SNTG1: variants seen among roughly 807,000 people sequenced by gnomAD.
SNTG1 encodes the protein gamma-1-syntrophin.
Under a neutral mutation model 74.7 loss-of-function variants are expected in SNTG1, and 39 were observed. That is an observed-to-expected ratio of 0.52 (90% CI 0.40 to 0.68). The LOEUF (loss-of-function observed/expected upper bound fraction) is 0.68, where lower values mean the gene tolerates loss of function less well. Ranked by LOEUF, SNTG1 falls within the 30% of genes least tolerant of loss-of-function variation. The pLI, the probability that SNTG1 is intolerant of heterozygous loss-of-function variation, is 0.00. For synonymous variants in SNTG1, 254 were observed against 217.1 expected, an observed-to-expected ratio of 1.17 and a Z score of -1.49; for missense variants, 685 against 609.5, an observed-to-expected ratio of 1.12 and a Z score of -1.30.
intron 17 of SNTG1, among the ~76,000 whole-genome samples, chr8:50,714,562 C>T (rs1249235358): frequency 6.6e-6 from 1 of 152,060 alleles, no homozygotes; most frequent in African/African-American, 2.4e-5. Flanking sequence ...ATCTGTCCTC[C>T]ACTGGGCATT....
intron 2 of SNTG1, among the ~76,000 whole-genome samples, chr8:50,260,520 C>CAA (rs142822896): frequency 3.6e-5 from 5 of 140,568 alleles, no homozygotes; most frequent in Admixed American, 1.4e-4. Flanking sequence ...AACACACACA[C>CAA]ACACACAGAC....
chr8:50,774,623 T>C (rs1183169378), intron 18 of SNTG1, among the ~76,000 whole-genome samples: 1 of 151,792 alleles, frequency 6.6e-6, no homozygotes, highest in African/African-American at 2.4e-5. Context: ...GAATACACAC[T>C]TAGAAATAAT....
chr8:50,235,101 T>A (rs1586793354), intron 2 of SNTG1, among the ~76,000 whole-genome samples: 2 of 152,114 alleles, frequency 1.3e-5, no homozygotes, highest in Admixed American at 6.5e-5. Context: ...TGGACATATA[T>A]CAAAAGGAGT....
chr8:49,929,205 T>C (rs1807325040), intron 1 of SNTG1, among the ~76,000 whole-genome samples: 1 of 152,210 alleles, frequency 6.6e-6, no homozygotes, highest in Non-Finnish European at 1.5e-5. Context: ...AAATTTTATT[T>C]TCAACTTATA....
At chr8:50,779,541 G>T (rs1013332408) in intron 18 of SNTG1, among the ~76,000 whole-genome samples, 1 of 152,096 alleles carries the variant, frequency 6.6e-6, no homozygotes, top group African/African-American at 2.4e-5. Context: ...TGTGATTTTT[G>T]TACATTGATT....
intron 2 of SNTG1, among the ~76,000 whole-genome samples, chr8:50,278,691 T>C (rs2088256565): frequency 2.6e-5 from 3 of 116,412 alleles, no homozygotes; most frequent in South Asian, 5.7e-4. Flanking sequence ...TATGAAAAAA[T>C]GCTAAAAAAA....
chr8:49,928,602 T>C (rs1264308342), intron 1 of SNTG1, among the ~76,000 whole-genome samples: 1 of 152,108 alleles, frequency 6.6e-6, no homozygotes, highest in East Asian at 1.9e-4. Flanking sequence ...GGCTAGGTTG[T>C]GGGTGTGGCA....
At chr8:50,159,280 C>T (rs965378158) in intron 1 of SNTG1, among the ~76,000 whole-genome samples, 2 of 151,864 alleles carry the variant, frequency 1.3e-5, no homozygotes, top group Non-Finnish European at 2.9e-5. Context: ...TGCTATAAAC[C>T]AGTCTTATTT....
chr8:50,379,719 G>C (rs756990568), intron 2 of SNTG1, among the ~76,000 whole-genome samples: 4 of 152,256 alleles, frequency 2.6e-5, no homozygotes, highest in Non-Finnish European at 4.4e-5. Flanking sequence ...AAGGACTACA[G>C]AAACTCTCTT....
intron 2 of SNTG1, among the ~76,000 whole-genome samples, chr8:50,318,353 C>T (rs544880844): frequency 4.6e-5 from 7 of 152,162 alleles, no homozygotes; most frequent in African/African-American, 1.7e-4. Flanking sequence ...TAAAAAGCAT[C>T]GGTATTTCTT....
intron 2 of SNTG1, among the ~76,000 whole-genome samples, chr8:50,176,706 A>T (rs1206252186): frequency 6.6e-6 from 1 of 152,240 alleles, no homozygotes; most frequent in Non-Finnish European, 1.5e-5. Context: ...CACAATGTAT[A>T]AGGTCCAAAT....
intron 13 of SNTG1, among the ~76,000 whole-genome samples, chr8:50,614,841 T>G (rs2131007015): frequency 6.6e-6 from 1 of 152,290 alleles, no homozygotes; most frequent in East Asian, 1.9e-4. Flanking sequence ...AATGCATATG[T>G]TAAATATATC....
chr8:50,349,731 T>A (rs1430708493), intron 2 of SNTG1, among the ~76,000 whole-genome samples: 1 of 152,196 alleles, frequency 6.6e-6, no homozygotes, highest in East Asian at 1.9e-4. Flanking sequence ...TGTTCCCTTG[T>A]CCCCTTGAGA....
intron 2 of SNTG1, among the ~76,000 whole-genome samples, chr8:50,195,200 T>A (rs948095741): frequency 1.3e-5 from 2 of 151,958 alleles, no homozygotes; most frequent in Non-Finnish European, 2.9e-5. Flanking sequence ...TGCTGAGTCA[T>A]GCAGGTCATC....
intron 2 of SNTG1, among the ~76,000 whole-genome samples, chr8:50,353,425 T>A (rs115501726): frequency 6.6e-6 from 1 of 152,124 alleles, no homozygotes; most frequent in Admixed American, 6.5e-5. Flanking sequence ...AGAACACTTT[T>A]AGCATTATCC....
chr8:49,982,224 G>T (rs1350972716), intron 1 of SNTG1, among the ~76,000 whole-genome samples: 1 of 151,948 alleles, frequency 6.6e-6, no homozygotes, highest in African/African-American at 2.4e-5. Context: ...TAATATGTAT[G>T]GGCACATAAA....
At chr8:50,514,045 C>T (rs2094110365) in intron 9 of SNTG1, among the ~76,000 whole-genome samples, 1 of 152,170 alleles carries the variant, frequency 6.6e-6, no homozygotes, top group African/African-American at 2.4e-5. Flanking sequence ...TCCTATTTGG[C>T]CATCTTGGCT....
intron 1 of SNTG1, among the ~76,000 whole-genome samples, chr8:50,112,974 C>G (rs2080661073): frequency 6.6e-6 from 1 of 152,094 alleles, no homozygotes. Context: ...GTACCAGTAC[C>G]ATGCTGTTTT....
chr8:50,081,850 C>T (rs1822445084), intron 1 of SNTG1, among the ~76,000 whole-genome samples: 1 of 151,982 alleles, frequency 6.6e-6, no homozygotes, highest in Non-Finnish European at 1.5e-5. Context: ...CCAGGATGGT[C>T]TCAATCTCTT....
Sources: gnomAD v4.1 joint callset for allele counts (sites outside exome capture counted in the v4.1 genomes callset) on GRCh38, gnomAD v4.1.1 for gene constraint, MANE v1.5 for transcripts, NCBI Gene and HGNC (gene_info 2026-07-23, HGNC 2026-07-21) for gene names.